The following PIK3CB variants were observed in gnomAD, a reference collection of about 807,000 sequenced individuals.
PIK3CB encodes the protein phosphatidylinositol-4,5-bisphosphate 3-kinase catalytic subunit beta.
In PIK3CB, 39 loss-of-function variants were observed where a neutral mutation model predicts 136.8. The observed-to-expected ratio is 0.29, with a 90% CI of 0.22 to 0.37. The LOEUF is 0.37. PIK3CB is among the 10% of genes least tolerant of loss of function. The pLI is 1.00. For missense variants in PIK3CB, 868 were observed against 1,275.4 expected (o/e 0.68, Z 4.87); for synonymous variants, 428 against 436.6 (o/e 0.98, Z 0.25).
rs1449941933 is a variant in PIK3CB at position 138,825,802 on chromosome 3, A to G, written c.-122+8893T>C. 17 of 954,984 alleles carry G rather than the reference A, an allele frequency of 1.8e-5. No homozygotes were observed. In the East Asian group the frequency reaches 3.8e-4, roughly 22 times the overall value. 59.2% of individuals were successfully genotyped at this position (954,984 alleles called of 1,614,324 possible). On this transcript the variant is annotated intron_variant, in intron 1 of 23. Coordinates refer to ENST00000674063, the MANE Select transcript of PIK3CB (RefSeq NM_006219.3). ...CACCTTTGCTCCAGTCAATGTTACA[A>G]CTGAAGCAGTCTGTTGAAATGCACC...
intron 1 of PIK3CB, among the ~76,000 whole-genome samples, chr3:138,822,864 AAT>A (rs1226539637): frequency 2.7e-5 from 4 of 146,858 alleles, no homozygotes; most frequent in African/African-American, 1.0e-4. Flanking sequence ...ATATATACGA[AAT>A]ATATATGAAA....
At chr3:138,823,506 C>T (rs1383250371) in intron 1 of PIK3CB, among the ~76,000 whole-genome samples, 3 of 151,576 alleles carry the variant, frequency 2.0e-5, no homozygotes, top group Non-Finnish European at 2.9e-5. Flanking sequence ...AGATCGAGAC[C>T]ATCCTGGGCA....
chr3:138,795,508 G>A (rs1172606313), intron 2 of PIK3CB, among the ~76,000 whole-genome samples: 3 of 152,020 alleles, frequency 2.0e-5, no homozygotes, highest in Non-Finnish European at 4.4e-5. Context: ...GCACACGCCT[G>A]TAGTCCCAGC....
intron 14 of PIK3CB, among the ~76,000 whole-genome samples, chr3:138,693,964 TATTA>T (rs1290188187): frequency 0.074 from 2,674 of 36,222 alleles, 96 homozygotes; most frequent in African/African-American, 0.3. Context: ...TATATATATA[TATTA>T]TATATATATA....
At chr3:138,800,915 C>T (rs147683493) in intron 1 of PIK3CB, among the ~76,000 whole-genome samples, 34 of 152,238 alleles carry the variant, frequency 2.2e-4, no homozygotes, top group African/African-American at 7.9e-4. Flanking sequence ...CGTGAGCCAC[C>T]GTGCCCGGCC....
chr3:138,695,012 A>C, intron 13 of PIK3CB, 105 bp from the exon 14 acceptor site: 29 of 1,066,008 alleles, frequency 2.7e-5, no homozygotes, highest in Non-Finnish European at 3.4e-5. Context: ...GGCAAAGCTC[A>C]CTTTTAATTA....
chr3:138,685,420 A>AAAAAAAAAAAAAAAAAAGAAAG (rs2043866681), intron 16 of PIK3CB, among the ~76,000 whole-genome samples: 13 of 86,960 alleles, frequency 1.5e-4, no homozygotes, highest in East Asian at 1.3e-3. Context: ...AAAAAAAAAA[A>AAAAAAAAAAAAAAAAAAGAAAG]AAAGAAAGAA....
chr3:138,743,980 T>G (rs565296991), intron 4 of PIK3CB, among the ~76,000 whole-genome samples: 1 of 152,196 alleles, frequency 6.6e-6, no homozygotes, highest in Non-Finnish European at 1.5e-5. Context: ...TTATATACTG[T>G]ATTCCTAAAG....
At chr3:138,802,228 A>C (rs1416120101) in intron 1 of PIK3CB, among the ~76,000 whole-genome samples, 2 of 151,298 alleles carry the variant, frequency 1.3e-5, no homozygotes, top group African/African-American at 4.9e-5. Flanking sequence ...ACAAAAAAAA[A>C]AAAAATCCAG....
intron 1 of PIK3CB, among the ~76,000 whole-genome samples, chr3:138,831,286 T>TAAAATAAAATAAAATA (rs879667038): frequency 5.4e-4 from 46 of 85,578 alleles, no homozygotes; most frequent in Admixed American, 9.2e-4. Context: ...AAAATAAAAT[T>TAAAATAAAATAAAATA]AAATTAAATT....
intron 2 of PIK3CB, among the ~76,000 whole-genome samples, chr3:138,772,164 A>T (rs1038122411): frequency 3.9e-5 from 6 of 152,332 alleles, no homozygotes; most frequent in Non-Finnish European, 7.3e-5. Flanking sequence ...ACATGAAAAA[A>T]ATCCAAATAT....
chr3:138,749,858 G>T (rs117271530), intron 4 of PIK3CB, among the ~76,000 whole-genome samples: 3,834 of 152,114 alleles, frequency 0.025, 170 homozygotes, highest in South Asian at 0.15. Flanking sequence ...ATGTATTTTT[G>T]AGGTACAATG....
At chr3:138,760,379 C>A (rs2045646847) in intron 2 of PIK3CB, among the ~76,000 whole-genome samples, 1 of 152,180 alleles carries the variant, frequency 6.6e-6, no homozygotes. Flanking sequence ...ATCACAGTGC[C>A]TTCTGCCTTC....
rs1372427749 is a variant in PIK3CB at position 138,742,698 on chromosome 3, G to A, written c.481C>T (p.Leu161=). The A allele has an allele frequency of 6.2e-7, 1 of 1,613,154 alleles. No homozygotes were observed. The highest frequency in any genetic ancestry group is 8.5e-7 in the Non-Finnish European group (1 of 1,179,354). Residue 161 remains leucine, a synonymous_variant, in exon 5 of 24, where the codon CTG becomes TTG. Transcript: ENST00000674063. ...ATCCAAGACAATCCCACAAGTGACA[G>A]GATTTTTTCCTCGCTGAATTTGCGC... ...KMRKFSEEKI[L]SLVGLSWMDW...
chr3:138,660,956 T>A (rs1261625206), intron 21 of PIK3CB, among the ~76,000 whole-genome samples: 1 of 152,192 alleles, frequency 6.6e-6, no homozygotes, highest in East Asian at 1.9e-4. Flanking sequence ...GTATAGAAAC[T>A]AGGGAGAAAT....
intron 2 of PIK3CB, among the ~76,000 whole-genome samples, chr3:138,781,543 C>G (rs977234960): frequency 6.6e-6 from 1 of 151,810 alleles, no homozygotes; most frequent in African/African-American, 2.4e-5. Flanking sequence ...AACTCCGACT[C>G]CCGGGTTCAG....
chr3:138,692,104 T>G (rs2044022606), intron 14 of PIK3CB, among the ~76,000 whole-genome samples: 1 of 152,196 alleles, frequency 6.6e-6, no homozygotes, highest in Non-Finnish European at 1.5e-5. Context: ...GTTCTCTATT[T>G]TGTGTCAATC....
At chr3:138,705,169 AAAAACAAAAAACAAAACAAAC>A (rs1256892544) in intron 11 of PIK3CB, among the ~76,000 whole-genome samples, 2,427 of 98,470 alleles carry the variant, frequency 0.025, 398 homozygotes, top group African/African-American at 0.078. Context: ...AAAAAAAAAA[AAAAACAAAAAACAAAACAAAC>A]AAAAAAAAAA....
Position 138,655,053 on chromosome 3 carries a change from A to T in PIK3CB, c.*336T>A, listed in dbSNP as rs1038685582. 1 of 258,892 alleles carries T rather than the reference A, an allele frequency of 3.9e-6. No individual in the cohort carries two copies. Among genetic ancestry groups the T allele is most frequent in the Admixed American group, 5.1e-5 (1 of 19,784 alleles). 16.0% of individuals were successfully genotyped at this position (258,892 alleles called of 1,614,324 possible). A position where few individuals can be genotyped will look rare whatever the true frequency, so the allele number is the denominator to read the frequency against. On this transcript the variant is annotated 3_prime_UTR_variant, in exon 24 of 24. Transcript: ENST00000674063. ...AATACTTGGTCACAACATTGAAAAG[A>T]AGTATTTACACCATTCTGGGAAGTA...
Sources: allele counts gnomAD v4.1 joint callset (sites outside exome capture counted in the v4.1 genomes callset), GRCh38; gene constraint gnomAD v4.1.1; transcripts MANE v1.5; gene names NCBI Gene and HGNC (gene_info 2026-07-23, HGNC 2026-07-21).